The following APBA1 variants were observed in gnomAD, a reference collection of about 807,000 sequenced individuals.
APBA1 encodes the protein amyloid-beta A4 precursor protein-binding family A member 1.
In APBA1, 55 loss-of-function variants were observed where a neutral mutation model predicts 86.6. The observed-to-expected ratio is 0.64, with a 90% CI of 0.51 to 0.80. The LOEUF (loss-of-function observed/expected upper bound fraction) is 0.80. Among genes scored for constraint, APBA1 ranks in the 30% least tolerant of loss-of-function variants. The pLI is 0.00. For missense variants in APBA1, 1,090 were observed against 1,183.0 expected (o/e 0.92, Z 1.15); for synonymous variants, 511 against 493.9 (o/e 1.03, Z -0.46).
intron 1 of APBA1, among the ~76,000 whole-genome samples, chr9:69,558,724 C>T (rs1836903918): frequency 6.6e-6 from 1 of 152,034 alleles, no homozygotes; most frequent in Admixed American, 6.6e-5. Context: ...AGTTACTCTT[C>T]CTCCTCCCAT....
chr9:69,466,260 T>A (rs1359855794), intron 5 of APBA1, among the ~76,000 whole-genome samples: 3 of 152,090 alleles, frequency 2.0e-5, no homozygotes, highest in Non-Finnish European at 4.4e-5. Flanking sequence ...TCACACAGCA[T>A]CCTGGGAACT....
chr9:69,560,361 C>T (rs550300903), intron 1 of APBA1, among the ~76,000 whole-genome samples: 3 of 152,278 alleles, frequency 2.0e-5, no homozygotes, highest in Admixed American at 1.3e-4. Context: ...TGTTTCACTC[C>T]TTATCTGCCA....
At chr9:69,566,974 A>C (rs1458704985) in intron 1 of APBA1, among the ~76,000 whole-genome samples, 2 of 152,186 alleles carry the variant, frequency 1.3e-5, no homozygotes, top group Non-Finnish European at 2.9e-5. Flanking sequence ...CCTGTATCCC[A>C]ACTGGCACCA....
intron 1 of APBA1, among the ~76,000 whole-genome samples, chr9:69,661,069 C>CA (rs1181806044): frequency 6.6e-6 from 1 of 152,044 alleles, no homozygotes; most frequent in Non-Finnish European, 1.5e-5. Context: ...TTTTGTGAAG[C>CA]AAAAATGATA....
intron 2 of APBA1, among the ~76,000 whole-genome samples, chr9:69,513,214 T>C (rs1446802344): frequency 6.6e-6 from 1 of 152,252 alleles, no homozygotes; most frequent in Non-Finnish European, 1.5e-5. Flanking sequence ...TGTTCTATAA[T>C]TAATTTCACC....
intron 2 of APBA1, among the ~76,000 whole-genome samples, chr9:69,481,497 C>T (rs1411551701): frequency 6.6e-6 from 1 of 151,832 alleles, no homozygotes; most frequent in Non-Finnish European, 1.5e-5. Context: ...AAGAACATTC[C>T]ATGCTCATGG....
rs774555075 is a variant in APBA1 at position 69,437,030 on chromosome 9, ATAATCATATGG to A, written c.2301+3955_2301+3965del. ...AAAGGCCTTTTCTGCATCTATTGAG[ATAATCATATGG>A]TTTTTGTCTTTGGTTCTGTTTATAT... On this transcript the variant is annotated intron_variant, in intron 11 of 12. Transcript: ENST00000265381. Among the ~76,000 whole-genome samples, 272 of 152,224 alleles carry A rather than the reference ATAATCATATGG, an allele frequency of 1.8e-3. 1 individual carries two copies. The highest frequency in any genetic ancestry group is 3.4e-3 in the Middle Eastern group (1 of 294).
chr9:69,663,205 A>G (rs1300574748), intron 1 of APBA1, among the ~76,000 whole-genome samples: 1 of 152,236 alleles, frequency 6.6e-6, no homozygotes, highest in African/African-American at 2.4e-5. Context: ...GGTGGATTAC[A>G]CATAATAAAG....
intron 1 of APBA1, among the ~76,000 whole-genome samples, chr9:69,525,351 G>T (rs550690509): frequency 1.3e-5 from 2 of 152,078 alleles, no homozygotes; most frequent in Non-Finnish European, 1.5e-5. Flanking sequence ...ATGCCAAAAG[G>T]CTCCTAGAAC....
At chr9:69,581,003 T>C (rs1056813912) in intron 1 of APBA1, among the ~76,000 whole-genome samples, 5 of 152,180 alleles carry the variant, frequency 3.3e-5, no homozygotes, top group African/African-American at 7.2e-5. Flanking sequence ...TTATATCATT[T>C]ATAGCCAGTC....
chr9:69,456,099 GCCT>G, intron 8 of APBA1, 145 bp downstream of exon 8: 1 of 900,810 alleles, frequency 1.1e-6, no homozygotes, highest in Non-Finnish European at 1.7e-6. Flanking sequence ...GTTTTACTCA[GCCT>G]TATATCTCTA....
Position 69,502,098 on chromosome 9 carries a change from G to C in APBA1, c.1200+13913C>G, listed in dbSNP as rs545281967. Among the ~76,000 whole-genome samples, 33 of 152,202 alleles carry C rather than the reference G, an allele frequency of 2.2e-4. 1 individual carries two copies. The highest frequency in any genetic ancestry group is 1.2e-3 in the South Asian group (6 of 4,824). ...GTTGAGAAAGATTCCTCTTGGGAGA[G>C]GGGTCAGGCAAAGTGAAAAAAATTG... On this transcript the variant is annotated intron_variant, in intron 2 of 12. Coordinates refer to ENST00000265381, the MANE Select transcript of APBA1 (RefSeq NM_001163.4).
Position 69,516,555 on chromosome 9 carries a change from T to C in APBA1, c.656A>G (p.Glu219Gly). Residue 219 changes from glutamate (E) to glycine (G), a missense_variant, in exon 2 of 13, where the codon GAG (glutamate) becomes GGG (glycine). Glu to Gly is a moderately conservative substitution (Grantham distance 98, BLOSUM62 -2). Transcript: ENST00000265381. This position sits in a 1 kb window ranked among gnomAD's most constrained non-coding sequence, Gnocchi z 7.3. ...GCGGTACGCGGCCGCCTCGTCGCGC[T>C]CCTGCTCGTAGAGCCGCAGGCCGTC... ...ARDGLRLYEQERDEAAAYRQE... is the reference protein window; with the variant it reads ...ARDGLRLYEQGRDEAAAYRQE... The C allele has an allele frequency of 6.3e-7, 1 of 1,598,378 alleles. No homozygotes were observed. Among genetic ancestry groups the C allele is most frequent in the Non-Finnish European group, 8.5e-7 (1 of 1,177,900 alleles).
At chr9:69,468,108 C>T in intron 4 of APBA1, 140 bp from the exon 5 acceptor site, 1 of 941,256 alleles carries the variant, frequency 1.1e-6, no homozygotes, top group Non-Finnish European at 1.6e-6. Flanking sequence ...AGGCATCTCT[C>T]TGTGTCTATC....
chr9:69,540,160 A>ACAACAACAACAAC (rs1564071251), intron 1 of APBA1, among the ~76,000 whole-genome samples: 7 of 151,974 alleles, frequency 4.6e-5, no homozygotes, highest in African/African-American at 1.7e-4. Context: ...CAACAACAAA[A>ACAACAACAACAAC]GTCACCTTAT....
At chr9:69,571,821 T>C (rs901708800) in intron 1 of APBA1, among the ~76,000 whole-genome samples, 1 of 152,196 alleles carries the variant, frequency 6.6e-6, no homozygotes, top group African/African-American at 2.4e-5. Flanking sequence ...TTATAACTCA[T>C]GCTTTGAACT....
chr9:69,491,276 T>TA (rs954083420), intron 2 of APBA1, among the ~76,000 whole-genome samples: 2 of 151,970 alleles, frequency 1.3e-5, no homozygotes, highest in Admixed American at 1.3e-4. Context: ...TATGCAGCCA[T>TA]AAAAAAGGAT....
intron 1 of APBA1, among the ~76,000 whole-genome samples, chr9:69,599,285 C>T (rs561831513): frequency 6.6e-6 from 1 of 152,194 alleles, no homozygotes; most frequent in South Asian, 2.1e-4. Flanking sequence ...TTCATTCCAA[C>T]TGTCAATATT....
chr9:69,434,422 A>C (rs572168024), intron 11 of APBA1, among the ~76,000 whole-genome samples: 143 of 152,200 alleles, frequency 9.4e-4, no homozygotes, highest in South Asian at 2.3e-3. Context: ...TTAAAACAAA[A>C]AAAAAAAAGT....
Sources: allele counts gnomAD v4.1 joint callset (sites outside exome capture counted in the v4.1 genomes callset), GRCh38; gene constraint gnomAD v4.1.1; non-coding constraint Gnocchi (gnomAD v3.1); transcripts MANE v1.5; gene names NCBI Gene and HGNC (gene_info 2026-07-23, HGNC 2026-07-21).